The following PTPRU variants were observed in gnomAD, a reference collection of about 807,000 sequenced individuals.
The protein encoded by PTPRU is protein tyrosine phosphatase receptor type U, also known as receptor-type tyrosine-protein phosphatase U.
PTPRU carries 69 observed loss-of-function variants against 166.3 expected under a neutral mutation model. The ratio of observed to expected loss-of-function variants is 0.41; its 90% CI spans 0.34 to 0.51. The LOEUF is 0.51. Ranked by LOEUF, PTPRU falls within the 20% of genes least tolerant of loss-of-function variation. The pLI is 0.09. For missense variants in PTPRU, 1,657 were observed against 2,013.7 expected (o/e 0.82, Z 3.39); for synonymous variants, 793 against 814.0 (o/e 0.97, Z 0.44).
chr1:29,285,936 C>T (rs190696290), intron 14 of PTPRU, among the ~76,000 whole-genome samples: 10 of 152,350 alleles, frequency 6.6e-5, no homozygotes, highest in East Asian at 3.9e-4. Flanking sequence ...CAAGGCTACC[C>T]GGAGAGCCAG....
chr1:29,303,812 G>C, intron 15 of PTPRU, 43 bp from the exon 16 acceptor site: 1 of 1,539,972 alleles, frequency 6.5e-7, no homozygotes, highest in Non-Finnish European at 8.9e-7. Context: ...CCCGAGGCTG[G>C]GGCATGTGTG....
intron 3 of PTPRU, 147 bp downstream of exon 3, chr1:29,258,923 T>A: frequency 8.0e-7 from 1 of 1,255,004 alleles, no homozygotes; most frequent in Non-Finnish European, 1.1e-6. Flanking sequence ...CAGGGGTCAG[T>A]CTGGGGCCAG....
At chr1:29,290,329 T>C (rs1363625907) in intron 14 of PTPRU, among the ~76,000 whole-genome samples, 2 of 152,166 alleles carry the variant, frequency 1.3e-5, no homozygotes, top group Non-Finnish European at 2.9e-5. Flanking sequence ...AATAGGAGCT[T>C]TTATCACTCC....
intron 14 of PTPRU, chr1:29,289,631 G>A (rs1686526929): frequency 3.7e-6 from 6 of 1,611,724 alleles, no homozygotes; most frequent in Non-Finnish European, 5.1e-6. Flanking sequence ...GCCCGGCCTT[G>A]GTGGACGGAC....
intron 26 of PTPRU, among the ~76,000 whole-genome samples, chr1:29,321,459 G>A (rs560625348): frequency 6.6e-6 from 1 of 152,160 alleles, no homozygotes; most frequent in African/African-American, 2.4e-5. Flanking sequence ...GACCCAAAGA[G>A]GTTCAGTGCC....
At chr1:29,277,842 G>T (rs1685885242) in intron 8 of PTPRU, among the ~76,000 whole-genome samples, 2 of 34,038 alleles carry the variant, frequency 5.9e-5, no homozygotes, top group South Asian at 8.6e-4. Flanking sequence ...TTTTTGAGAT[G>T]GAGTCTTGTT....
Position 29,258,490 on chromosome 1 carries a change from C to A in PTPRU, c.206-15C>A. ...AGGTCTCCTCATCTCCTGCCTCTTC[C>A]TCCTCTCTTTCCAGGCTCCTACTTG... is the stretch of plus-strand genomic sequence containing the variant. On this transcript the variant is annotated splice_polypyrimidine_tract_variant and intron_variant, in intron 2 of 29. Transcript: ENST00000373779. The A allele has an allele frequency of 1.2e-6, 2 of 1,610,318 alleles. No individual in the cohort carries two copies. Among genetic ancestry groups the A allele is most frequent in the Non-Finnish European group, 1.7e-6 (2 of 1,177,994 alleles).
rs1216488909 is a variant in PTPRU, at chr1:29,271,923, C to G, written c.1145-3525C>G. ...ATGGTGTGAGCTGAGCTGCAGGGAA[C>G]AGAGAGCCACTCCCAGTAGTGCAAA... On this transcript the variant is annotated intron_variant, in intron 7 of 29. Coordinates refer to ENST00000373779, the MANE Select transcript of PTPRU (RefSeq NM_133178.4). This position sits in a 1 kb window ranked among gnomAD's most constrained non-coding sequence, Gnocchi z 4.4. Among the ~76,000 whole-genome samples the G allele has an allele frequency of 6.6e-6, 1 of 152,152 alleles. No homozygotes were observed. Among genetic ancestry groups the G allele is most frequent in the Non-Finnish European group, 1.5e-5 (1 of 68,030 alleles).
At chr1:29,259,822 AC>A in intron 5 of PTPRU, 47 bp from the exon 6 acceptor site, 1 of 1,484,006 alleles carries the variant, frequency 6.7e-7, no homozygotes, top group Non-Finnish European at 9.0e-7. Flanking sequence ...CGAGATCGGG[AC>A]CCCTCGCTCC....
At chr1:29,244,182 G>C (rs1320476840) in intron 1 of PTPRU, among the ~76,000 whole-genome samples, 1 of 152,076 alleles carries the variant, frequency 6.6e-6, no homozygotes, top group Non-Finnish European at 1.5e-5. Context: ...TGGGGTGACA[G>C]CTCAGCCCCC....
intron 26 of PTPRU, 138 bp from the exon 27 acceptor site, chr1:29,323,233 G>C: frequency 1.7e-6 from 2 of 1,177,108 alleles, no homozygotes; most frequent in South Asian, 3.1e-5. Flanking sequence ...AGCTGCTGAA[G>C]GTGAGTCTGG....
Position 29,320,902 on chromosome 1 carries a change from GC to G in PTPRU, c.3828+79del. ...TGTATTCAGGGCCATGGTCCCCAAA[GC>G]CAAAAGTTGGGTCCCAGCTCTGCCA... On this transcript the variant is annotated intron_variant, in intron 26 of 29. Transcript: ENST00000373779. This position sits in a 1 kb window ranked among gnomAD's most constrained non-coding sequence, Gnocchi z 5.2. The G allele has an allele frequency of 7.2e-7, 1 of 1,392,492 alleles. No homozygotes were observed. Among genetic ancestry groups the G allele is most frequent in the Non-Finnish European group, 9.5e-7 (1 of 1,052,184 alleles). 86.3% of individuals were successfully genotyped at this position (1,392,492 alleles called of 1,614,324 possible).
In PTPRU at chr1:29,326,034, C is replaced by T; in HGVS notation, c.*373C>T. On this transcript the variant is annotated 3_prime_UTR_variant, in exon 30 of 30. Transcript: ENST00000373779. ...GGCTTTTGGCAGGGATGAGTGAGGC[C>T]CTGCAGAGAGCATCCCAGGCCAAGG... 1 of 410,998 alleles carries T rather than the reference C, an allele frequency of 2.4e-6. No homozygotes were observed. The highest frequency in any genetic ancestry group is 4.3e-6 in the Non-Finnish European group (1 of 234,772). 25.5% of individuals were successfully genotyped at this position (410,998 alleles called of 1,614,324 possible). A position where few individuals can be genotyped will look rare whatever the true frequency, so the allele number is the denominator to read the frequency against.
Position 29,260,772 on chromosome 1 carries a change from G to T in PTPRU, c.1013G>T (p.Ser338Ile), listed in dbSNP as rs545730447. 1.2e-5 allele frequency: 19 copies of T among 1,613,482 alleles called. No homozygotes were observed. In the East Asian group the frequency reaches 4.0e-4, roughly 34 times the overall value. The change falls in exon 7 of 30, where the codon AGC (serine) becomes ATC (isoleucine). Residue 338 changes from serine (S) to isoleucine (I), a missense_variant. By Grantham distance (142) the Ser-to-Ile change is moderately radical. Around this residue, in one of 3 missense-constraint regions of PTPRU, gnomAD observed 453 missense variants for 496.9 expected, o/e 0.91. Coordinates refer to ENST00000373779, the MANE Select transcript of PTPRU (RefSeq NM_133178.4). The surrounding 1 kb of genome is among the most constrained non-coding windows in gnomAD (Gnocchi z 8.3). Reference sequence around the variant, plus strand: ...CCCTGGGCTGAGGTGCACGCCGTCAGCCTGCAGACCTACAAGCTGTGGCAC... The same window carrying T: ...CCCTGGGCTGAGGTGCACGCCGTCATCCTGCAGACCTACAAGCTGTGGCAC... ...RGPWAEVHAV[S>I]LQTYKLWHLD...
intron 13 of PTPRU, 65 bp from the exon 14 acceptor site, chr1:29,284,666 C>T: frequency 6.2e-7 from 1 of 1,611,412 alleles, no homozygotes. Flanking sequence ...GCACAGCCAC[C>T]TACAGGAGGG....
intron 7 of PTPRU, among the ~76,000 whole-genome samples, chr1:29,270,261 ACT>A (rs1308073161): frequency 1.3e-5 from 2 of 151,590 alleles, no homozygotes; most frequent in Non-Finnish European, 2.9e-5. Context: ...ATCTCATGTA[ACT>A]CTCACATTTG....
rs994229755 is a variant in PTPRU, at chr1:29,257,374, G to A, written c.206-1131G>A. Reference sequence around the variant, plus strand: ...GGGCTTCTAGCTTACAGAGATGAATGAGATCGCCTCCAGCAGAGTCCCTGG... The same window carrying A: ...GGGCTTCTAGCTTACAGAGATGAATAAGATCGCCTCCAGCAGAGTCCCTGG... On this transcript the variant is annotated intron_variant, in intron 2 of 29. Transcript: ENST00000373779. This position sits in a 1 kb window ranked among gnomAD's most constrained non-coding sequence, Gnocchi z 4.6. Among the ~76,000 whole-genome samples the A allele has an allele frequency of 1.3e-5, 2 of 152,152 alleles. No homozygotes were observed. The highest frequency in any genetic ancestry group is 1.9e-4 in the East Asian group (1 of 5,188).
In PTPRU at chr1:29,323,443, A is replaced by G; in HGVS notation, c.3901A>G (p.Thr1301Ala). The change falls in exon 27 of 30, where the codon ACA becomes GCA. Residue 1301 changes from threonine to alanine, a missense_variant. Coordinates refer to ENST00000373779, the MANE Select transcript of PTPRU (RefSeq NM_133178.4). ...CATGGAGGTGGAGTTTATGTCGGGC[A>G]CAGCTGATGAAGACTTAGTGGCTCG... ...GLMEVEFMSGTADEDLVARVF... is the reference protein window; with the variant it reads ...GLMEVEFMSGAADEDLVARVF... 2 of 1,609,536 alleles carry G rather than the reference A, an allele frequency of 1.2e-6. No individual in the cohort carries two copies.
rs1207375816 is a variant in PTPRU at position 29,291,937 on chromosome 1, T to A, written c.2387T>A (p.Val796Glu). The change falls in exon 15 of 30, where the codon GTG becomes GAG. Residue 796 changes from valine (V) to glutamate (E), a missense_variant. Val to Glu is a moderately radical substitution (Grantham distance 121). This residue lies in a region of PTPRU where 1,190 missense variants were observed against 1,477.4 expected (regional missense o/e 0.81). Coordinates refer to ENST00000373779, the MANE Select transcript of PTPRU (RefSeq NM_133178.4). The surrounding 1 kb of genome is among the most constrained non-coding windows in gnomAD (Gnocchi z 4.1). ...GAGAAGACACACATGATGAGCGCCG[T>A]GGACCGCAGCTTCACAGACCAGAGC... The part of the protein sequence containing the change: ...RQEKTHMMSA[V>E]DRSFTDQSTL... 5 of 1,614,022 alleles carry A rather than the reference T, an allele frequency of 3.1e-6. No individual in the cohort carries two copies. In the East Asian group the frequency reaches 1.1e-4, roughly 36 times the overall value.
Sources: allele counts gnomAD v4.1 joint callset (sites outside exome capture counted in the v4.1 genomes callset), GRCh38; gene constraint gnomAD v4.1.1; regional missense constraint gnomAD v4.1.1; non-coding constraint Gnocchi (gnomAD v3.1); transcripts MANE v1.5; gene names NCBI Gene and HGNC (gene_info 2026-07-23, HGNC 2026-07-21).